AOX1: variants seen among roughly 807,000 people sequenced by gnomAD.
AOX1 encodes the protein aldehyde oxidase 1.
In AOX1, 153 loss-of-function variants were observed where a neutral mutation model predicts 169.5. The ratio of observed to expected loss-of-function variants is 0.90; its 90% confidence interval spans 0.79 to 1.03. The LOEUF is 1.03. Among genes scored for constraint, AOX1 ranks in the 50% least tolerant of loss-of-function variants. AOX1 has a pLI of 0.00. For missense variants in AOX1, 1,656 were observed against 1,663.9 expected (o/e 1.00, Z 0.08); for synonymous variants, 562 against 581.9 (o/e 0.97, Z 0.49).
rs370920216 is a variant in AOX1 at position 200,620,198 on chromosome 2, A to AGTTTT, written c.1705-452_1705-451insGTTTT. Among the ~76,000 whole-genome samples the AGTTTT allele has an allele frequency of 1.3e-4, 16 of 120,924 alleles. 2 individuals carry two copies. The highest frequency in any genetic ancestry group is 2.8e-4 in the South Asian group (1 of 3,606). The allele number at this position is 120,924 out of a possible 152,430, so 79.3% of individuals were successfully genotyped here. ...TATTGTCTTGGTGTTATTAATAGTG[A>AGTTTT]CTTTTTTTTTTTTTTTTTTTGATGG... On this transcript the variant is annotated intron_variant, in intron 16 of 34. Coordinates refer to ENST00000374700, the MANE Select transcript of AOX1 (RefSeq NM_001159.4).
chr2:200,612,825 A>G (rs1232865254), intron 14 of AOX1, 32 bp downstream of exon 14: 1 of 1,580,698 alleles, frequency 6.3e-7, no homozygotes, highest in South Asian at 1.2e-5. Context: ...CTCCTCTAAT[A>G]CTTGTCCTTA....
At chr2:200,622,634 C>G (rs540888433) in intron 18 of AOX1, among the ~76,000 whole-genome samples, 57 of 152,248 alleles carry the variant, frequency 3.7e-4, no homozygotes, top group African/African-American at 1.3e-3. Context: ...GTTTACTAAA[C>G]AAGTGAAACT....
chr2:200,670,552 A>G, intron 34 of AOX1, 77 bp from the exon 35 acceptor site: 1 of 1,285,956 alleles, frequency 7.8e-7, no homozygotes, highest in Non-Finnish European at 1.1e-6. Flanking sequence ...TGTTTAACCT[A>G]CTTTATGTTC....
At chr2:200,606,560 A>T (rs1453054933) in intron 10 of AOX1, among the ~76,000 whole-genome samples, 1 of 152,164 alleles carries the variant, frequency 6.6e-6, no homozygotes, top group Non-Finnish European at 1.5e-5. Flanking sequence ...TGAATCTGTA[A>T]ATTACTTTGG....
chr2:200,620,198 A>AGTTTTTTTTTTTTTTTTTTTTTTT (rs370920216), intron 16 of AOX1, among the ~76,000 whole-genome samples: 1 of 120,912 alleles, frequency 8.3e-6, no homozygotes. Flanking sequence ...ATTAATAGTG[A>AGTTTTTTTTTTTTTTTTTTTTTTT]CTTTTTTTTT....
intron 19 of AOX1, among the ~76,000 whole-genome samples, chr2:200,626,558 T>G (rs2244004): frequency 1.3e-5 from 2 of 152,238 alleles, no homozygotes; most frequent in African/African-American, 4.8e-5. Context: ...ATCTCTGGTT[T>G]TGTGCACCAC....
chr2:200,593,524 T>A (rs2034217946), intron 2 of AOX1, among the ~76,000 whole-genome samples: 1 of 152,206 alleles, frequency 6.6e-6, no homozygotes, highest in Admixed American at 6.5e-5. Context: ...AAGGACTAAT[T>A]ATTATGCCCA....
chr2:200,658,953 A>G (rs546541810), intron 27 of AOX1, among the ~76,000 whole-genome samples: 6 of 152,318 alleles, frequency 3.9e-5, no homozygotes, highest in African/African-American at 1.4e-4. Context: ...CAGAAAGTCA[A>G]AGAAAAAGAA....
At chr2:200,657,190 A>ATATATATATTTTT in intron 27 of AOX1, among the ~76,000 whole-genome samples, 73 of 62,866 alleles carry the variant, frequency 1.2e-3, no homozygotes, top group Middle Eastern at 9.1e-3. Context: ...ATATATATAT[A>ATATATATATTTTT]TTTTTTTTTT....
Position 200,586,032 on chromosome 2 carries a change from G to A in AOX1, c.-77G>A. The A allele has an allele frequency of 6.6e-7, 1 of 1,517,436 alleles. No homozygotes were observed. The highest frequency in any genetic ancestry group is 2.0e-5 in the Admixed American group (1 of 50,722). 94.0% of individuals were successfully genotyped at this position (1,517,436 alleles called of 1,614,324 possible). A position where few individuals can be genotyped will look rare whatever the true frequency, so the allele number is the denominator to read the frequency against. On this transcript the variant is annotated 5_prime_UTR_variant, in exon 1 of 35. Transcript: ENST00000374700. ...CCGCCCCACTCGGCGGGTCGGTGCC[G>A]CCGGGTCCCAGGTGCCCGCTACTTC...
intron 1 of AOX1, among the ~76,000 whole-genome samples, chr2:200,592,282 T>G (rs1323867862): frequency 1.3e-5 from 2 of 152,184 alleles, no homozygotes; most frequent in African/African-American, 2.4e-5. Flanking sequence ...CCTGTTAGAA[T>G]TGAGGGTGAG....
chr2:200,596,497 T>A (rs1394370722), intron 3 of AOX1, among the ~76,000 whole-genome samples: 4 of 152,206 alleles, frequency 2.6e-5, no homozygotes, highest in Non-Finnish European at 4.4e-5. Flanking sequence ...TCCCTGCCTA[T>A]TTTGGGGAAC....
chr2:200,631,993 A>G (rs1298012877), intron 20 of AOX1, among the ~76,000 whole-genome samples: 2 of 152,132 alleles, frequency 1.3e-5, no homozygotes, highest in Non-Finnish European at 2.9e-5. Context: ...CAGATTTTCG[A>G]TAAGATAGGA....
chr2:200,681,526 G>T (rs1291738762), downstream of AOX1: 1 of 152,616 alleles, frequency 6.6e-6, no homozygotes, highest in Admixed American at 6.5e-5. Flanking sequence ...GAAGAGTATT[G>T]TCCTTCCAAG....
In AOX1 at chr2:200,586,084, C is replaced by A; in HGVS notation, c.-25C>A. On this transcript the variant is annotated 5_prime_UTR_variant, in exon 1 of 35. Coordinates refer to ENST00000374700, the MANE Select transcript of AOX1 (RefSeq NM_001159.4). Reference sequence around the variant, plus strand: ...CAGAACCTCCGCCTCCCGCTCCGGGCCCTCGAACCAGCGCGGACACCACAA... The same window carrying A: ...CAGAACCTCCGCCTCCCGCTCCGGGACCTCGAACCAGCGCGGACACCACAA... 1 of 1,551,190 alleles carries A rather than the reference C, an allele frequency of 6.4e-7. No individual in the cohort carries two copies. Among genetic ancestry groups the A allele is most frequent in the Non-Finnish European group, 8.7e-7 (1 of 1,148,484 alleles).
At chr2:200,659,937 T>C in intron 28 of AOX1, 58 bp from the exon 29 acceptor site, 1 of 1,354,120 alleles carries the variant, frequency 7.4e-7, no homozygotes, top group South Asian at 1.2e-5. Flanking sequence ...TATGTTGTTT[T>C]GAATTTGGTG....
Position 200,670,633 on chromosome 2 carries a change from C to G in AOX1, c.3971C>G (p.Pro1324Arg), listed in dbSNP as rs375761698. The change falls in exon 35 of 35, where the codon CCG becomes CGG. Residue 1324 changes from proline to arginine, a missense_variant. Coordinates refer to ENST00000374700, the MANE Select transcript of AOX1 (RefSeq NM_001159.4). ...CCAGATTTGTTTTTATTTTAGATTC[C>G]GAGAGATGAACCTGGATCCTACGTT... is the stretch of plus-strand genomic sequence containing the variant. ...ACEDKFTKMI[P>R]RDEPGSYVPW... The G allele has an allele frequency of 6.2e-7, 1 of 1,611,522 alleles. No individual in the cohort carries two copies. Among genetic ancestry groups the G allele is most frequent in the South Asian group, 1.1e-5 (1 of 90,930 alleles).
chr2:200,658,011 G>A (rs1157158000), intron 27 of AOX1, among the ~76,000 whole-genome samples: 1 of 152,150 alleles, frequency 6.6e-6, no homozygotes, highest in Non-Finnish European at 1.5e-5. Flanking sequence ...ATCATGAATT[G>A]TATGTGGCTG....
intron 13 of AOX1, 38 bp downstream of exon 13, chr2:200,611,531 G>A (rs2034641765): frequency 7.8e-7 from 1 of 1,288,430 alleles, no homozygotes; most frequent in Admixed American, 1.7e-5. Flanking sequence ...AGTTGCACCT[G>A]TGATGCTATG....
Sources: gnomAD v4.1 joint callset for allele counts (sites outside exome capture counted in the v4.1 genomes callset) on GRCh38, gnomAD v4.1.1 for gene constraint, MANE v1.5 for transcripts, NCBI Gene and HGNC (gene_info 2026-07-23, HGNC 2026-07-21) for gene names.